Variants in GPC5 observed in about 807,000 individuals in gnomAD.
GPC5 encodes glypican 5, also known as glypican-5.
In GPC5, 47 loss-of-function variants were observed where a neutral mutation model predicts 53.9. The ratio of observed to expected loss-of-function variants is 0.87; its 90% confidence interval spans 0.69 to 1.11. The LOEUF (loss-of-function observed/expected upper bound fraction) is 1.11, where lower values mean the gene tolerates loss of function less well. Among genes scored for constraint, GPC5 ranks in the 50% most tolerant of loss-of-function variants. The pLI, the probability that GPC5 is intolerant of heterozygous loss-of-function variation, is 0.00. For missense variants in GPC5, 748 were observed against 713.1 expected, an observed-to-expected ratio of 1.05 and a Z score of -0.56; for synonymous variants, 286 against 263.3, an observed-to-expected ratio of 1.09 and a Z score of -0.84.
At chr13:91,681,607 C>T (rs900806849) in intron 2 of GPC5, among the ~76,000 whole-genome samples, 1 of 152,156 alleles carries the variant, frequency 6.6e-6, no homozygotes, top group Non-Finnish European at 1.5e-5. Flanking sequence ...TTGACATGGA[C>T]TTTTTCTTTG....
intron 6 of GPC5, among the ~76,000 whole-genome samples, chr13:91,934,514 A>C (rs891813553): frequency 1.3e-5 from 2 of 151,920 alleles, no homozygotes; most frequent in African/African-American, 4.8e-5. Context: ...GAAAATAGGA[A>C]TACTTCATTT....
At chr13:91,754,413 A>T (rs1380782924) in intron 4 of GPC5, among the ~76,000 whole-genome samples, 3 of 152,128 alleles carry the variant, frequency 2.0e-5, no homozygotes, top group Admixed American at 2.0e-4. Flanking sequence ...GAAAAGAAAG[A>T]CATAAAGCTT....
At chr13:91,913,806 C>T (rs923496420) in intron 6 of GPC5, among the ~76,000 whole-genome samples, 1 of 152,146 alleles carries the variant, frequency 6.6e-6, no homozygotes, top group Non-Finnish European at 1.5e-5. Flanking sequence ...CTGAAACAGG[C>T]AATATTTGTC....
chr13:92,465,307 T>C (rs1235507651), intron 7 of GPC5, among the ~76,000 whole-genome samples: 1 of 152,036 alleles, frequency 6.6e-6, no homozygotes, highest in African/African-American at 2.4e-5. Context: ...TTCAAGAAAT[T>C]CTATTGGAAT....
chr13:92,776,723 T>C (rs546338276), intron 7 of GPC5, among the ~76,000 whole-genome samples: 8 of 152,194 alleles, frequency 5.3e-5, no homozygotes, highest in Non-Finnish European at 1.2e-4. Context: ...CTATCAGATA[T>C]AGTCCAAAAT....
chr13:91,966,328 T>C (rs930303519), intron 6 of GPC5, among the ~76,000 whole-genome samples: 1 of 152,168 alleles, frequency 6.6e-6, no homozygotes, highest in African/African-American at 2.4e-5. Flanking sequence ...ATGGGAGCAG[T>C]AAATGGTCAG....
At chr13:92,336,782 A>G (rs1566544556) in intron 7 of GPC5, among the ~76,000 whole-genome samples, 1 of 152,184 alleles carries the variant, frequency 6.6e-6, no homozygotes, top group Non-Finnish European at 1.5e-5. Context: ...AAGTAAGTGA[A>G]TGCAATCAAA....
At chr13:92,303,501 CACAT>C (rs1019766837) in intron 7 of GPC5, among the ~76,000 whole-genome samples, 4 of 151,676 alleles carry the variant, frequency 2.6e-5, no homozygotes, top group Admixed American at 2.0e-4. Context: ...AAATTTAAGA[CACAT>C]ACATCTCTGT....
At chr13:92,642,327 C>A (rs1433836859) in intron 7 of GPC5, among the ~76,000 whole-genome samples, 1 of 152,156 alleles carries the variant, frequency 6.6e-6, no homozygotes, top group Non-Finnish European at 1.5e-5. Context: ...GGGCTTCTAC[C>A]TTTCATAAAA....
At chr13:91,778,409 A>G (rs548288880) in intron 5 of GPC5, among the ~76,000 whole-genome samples, 57 of 152,284 alleles carry the variant, frequency 3.7e-4, no homozygotes, top group African/African-American at 1.3e-3. Context: ...TCGTGTCCTG[A>G]CAAATAATTT....
chr13:91,935,925 A>AACTTATCCTT (rs2039866533), intron 6 of GPC5, among the ~76,000 whole-genome samples: 1 of 152,000 alleles, frequency 6.6e-6, no homozygotes, highest in Non-Finnish European at 1.5e-5. Flanking sequence ...AGTTGGGTCT[A>AACTTATCCTT]TGACTGAGCC....
chr13:92,198,768 CA>C (rs1413467158), intron 7 of GPC5, among the ~76,000 whole-genome samples: 4 of 152,104 alleles, frequency 2.6e-5, no homozygotes, highest in Non-Finnish European at 5.9e-5. Flanking sequence ...AAAGGATCCC[CA>C]AAAAAATTAT....
Position 91,850,337 on chromosome 13 carries a change from T to C in GPC5, c.1281-57600T>C, listed in dbSNP as rs145042640. Among the ~76,000 whole-genome samples the C allele has an allele frequency of 4.4e-3, 669 of 152,260 alleles. 3 individuals are homozygous for C. The highest frequency in any genetic ancestry group is 0.016 in the African/African-American group (648 of 41,544). ...ACCCCTCAGGTGACATTTGCTAATGTCTGGAGCCATTCCTGGTTGTCACAA... is the reference window on the plus strand; with the variant it reads ...ACCCCTCAGGTGACATTTGCTAATGCCTGGAGCCATTCCTGGTTGTCACAA... On this transcript the variant is annotated intron_variant, in intron 5 of 7. Coordinates refer to ENST00000377067, the MANE Select transcript of GPC5 (RefSeq NM_004466.6).
At chr13:92,673,006 A>T (rs184388933) in intron 7 of GPC5, among the ~76,000 whole-genome samples, 1 of 152,144 alleles carries the variant, frequency 6.6e-6, no homozygotes, top group Admixed American at 6.6e-5. Context: ...CCTGTGTAAC[A>T]CACCTGCACT....
chr13:92,433,676 A>C (rs1877187734), intron 7 of GPC5, among the ~76,000 whole-genome samples: 1 of 152,182 alleles, frequency 6.6e-6, no homozygotes, highest in Non-Finnish European at 1.5e-5. Context: ...AAATCAACTA[A>C]ACTGATGCAA....
chr13:92,470,600 C>T (rs1300333873), intron 7 of GPC5, among the ~76,000 whole-genome samples: 2 of 152,140 alleles, frequency 1.3e-5, no homozygotes, highest in Non-Finnish European at 2.9e-5. Flanking sequence ...AGGTGCCTGG[C>T]CTCACACTGT....
chr13:92,637,573 A>G lies in GPC5; in HGVS notation c.1562-228709A>G, dbSNP rs556468952. On this transcript the variant is annotated intron_variant, in intron 7 of 7. Transcript: ENST00000377067. ...CACTAATGTGGAAAAAATTCTCCCTAGACTAAAAGGTGCTCTGGTCTTACC... is the reference window on the plus strand; with the variant it reads ...CACTAATGTGGAAAAAATTCTCCCTGGACTAAAAGGTGCTCTGGTCTTACC... 2.6e-5 allele frequency among the ~76,000 whole-genome samples: 4 copies of G among 152,334 alleles called. No homozygotes were observed. In the South Asian group the frequency reaches 8.3e-4, roughly 32 times the overall value.
chr13:91,670,096 G>A (rs2035210507), intron 2 of GPC5, among the ~76,000 whole-genome samples: 1 of 152,128 alleles, frequency 6.6e-6, no homozygotes, highest in South Asian at 2.1e-4. Context: ...GTTTTGTAGA[G>A]ACTATGAGGA....
intron 2 of GPC5, among the ~76,000 whole-genome samples, chr13:91,619,673 A>G (rs75744142): frequency 0.013 from 1,953 of 152,188 alleles, 40 homozygotes; most frequent in African/African-American, 0.044. Context: ...CAATGGAGAC[A>G]ATGATGTGCC....
Sources: allele counts gnomAD v4.1 joint callset (sites outside exome capture counted in the v4.1 genomes callset), GRCh38; gene constraint gnomAD v4.1.1; transcripts MANE v1.5; gene names NCBI Gene and HGNC (gene_info 2026-07-23, HGNC 2026-07-21).